The following MAN1A2 variants were observed in gnomAD, a reference collection of about 807,000 sequenced individuals.
The protein encoded by MAN1A2 is mannosidase alpha class 1A member 2.
A neutral mutation model predicts 75.7 loss-of-function variants in MAN1A2; 26 were observed. The ratio of observed to expected loss-of-function variants is 0.34; its 90% CI spans 0.25 to 0.48. The LOEUF (loss-of-function observed/expected upper bound fraction) is 0.48, where lower values mean the gene tolerates loss of function less well. Ranked by LOEUF, MAN1A2 falls within the 20% of genes least tolerant of loss-of-function variation. The probability of loss-of-function intolerance (pLI) is 0.99; values close to 1 mark genes in which losing one functional copy is unlikely to be tolerated. For missense variants in MAN1A2, 562 were observed against 775.5 expected (o/e 0.72, Z 3.27); for synonymous variants, 247 against 264.6 (o/e 0.93, Z 0.65).
At chr1:117,491,886 G>A (rs953111065) in intron 8 of MAN1A2, among the ~76,000 whole-genome samples, 2 of 152,044 alleles carry the variant, frequency 1.3e-5, no homozygotes, top group Non-Finnish European at 2.9e-5. Flanking sequence ...GAAATAGCAA[G>A]AGAACCAGAA....
At chr1:117,412,384 T>G (rs902103497) in intron 3 of MAN1A2, among the ~76,000 whole-genome samples, 1 of 151,740 alleles carries the variant, frequency 6.6e-6, no homozygotes, top group African/African-American at 2.4e-5. Flanking sequence ...CTTGTCTACC[T>G]TTTAAAAACG....
intron 5 of MAN1A2, among the ~76,000 whole-genome samples, chr1:117,430,251 C>T (rs1281594282): frequency 3.9e-5 from 5 of 129,656 alleles, no homozygotes; most frequent in African/African-American, 6.2e-5. Context: ...GCTGGCCAGG[C>T]GGGGGGCTGA....
At chr1:117,496,178 A>G (rs1651031949) in intron 9 of MAN1A2, among the ~76,000 whole-genome samples, 1 of 151,976 alleles carries the variant, frequency 6.6e-6, no homozygotes, top group African/African-American at 2.4e-5. Flanking sequence ...AGTTTCTACT[A>G]AAGAAAACTG....
intron 12 of MAN1A2, among the ~76,000 whole-genome samples, chr1:117,518,357 A>T (rs1225782631): frequency 6.6e-6 from 1 of 152,086 alleles, no homozygotes; most frequent in Non-Finnish European, 1.5e-5. Context: ...GTACATATTT[A>T]CTAATAAAAA....
rs191309094 is a variant in MAN1A2, at chr1:117,492,840, T to C, written c.1169-307T>C. On this transcript the variant is annotated intron_variant, in intron 8 of 12. Transcript: ENST00000356554. ...GCTATTAATATATAAAAGGTAATTA[T>C]CAATTCTGGAAAAGTTTGGCTCTAT... is the stretch of plus-strand genomic sequence containing the variant. Among the ~76,000 whole-genome samples the C allele has an allele frequency of 3.8e-3, 584 of 152,156 alleles. 7 individuals carry two copies. Among genetic ancestry groups the C allele is most frequent in the African/African-American group, 0.013 (555 of 41,548 alleles).
intron 6 of MAN1A2, among the ~76,000 whole-genome samples, chr1:117,452,105 G>A (rs986513763): frequency 2.6e-5 from 4 of 152,132 alleles, no homozygotes; most frequent in East Asian, 1.9e-4. Context: ...TCAGGAGTTC[G>A]AGACCAGCCT....
intron 11 of MAN1A2, 132 bp from the exon 12 acceptor site, chr1:117,502,718 GATAAT>G: frequency 1.7e-6 from 1 of 593,392 alleles, no homozygotes; most frequent in Non-Finnish European, 3.0e-6. Context: ...ATTTCCTTTT[GATAAT>G]ATATTATTCT....
intron 12 of MAN1A2, among the ~76,000 whole-genome samples, chr1:117,506,897 G>T (rs1200447206): frequency 6.6e-6 from 1 of 151,482 alleles, no homozygotes; most frequent in Non-Finnish European, 1.5e-5. Flanking sequence ...TCAGTAAGAA[G>T]GAAGAATCAG....
Position 117,526,880 on chromosome 1 carries a change from C to CTCTCTCTCTCTCTATATATATATATATA in MAN1A2, c.*3924_*3925insCTCTCTCTCTCTATATATATATATATAT. On this transcript the variant is annotated 3_prime_UTR_variant, in exon 13 of 13. Transcript: ENST00000356554. ...TCTCTCTCTCTCTCTCTCTCTCTCT[C>CTCTCTCTCTCTCTATATATATATATATA]TATATATATATATATATATATATAT... 5.5e-5 allele frequency: 3 copies of CTCTCTCTCTCTCTATATATATATATATA among 54,514 alleles called. No individual in the cohort carries two copies. Among genetic ancestry groups the CTCTCTCTCTCTCTATATATATATATATA allele is most frequent in the African/African-American group, 8.1e-5 (1 of 12,284 alleles). 3.4% of individuals were successfully genotyped at this position (54,514 alleles called of 1,614,324 possible).
At chr1:117,506,414 C>CT (rs1016626876) in intron 12 of MAN1A2, among the ~76,000 whole-genome samples, 1 of 151,524 alleles carries the variant, frequency 6.6e-6, no homozygotes, top group African/African-American at 2.4e-5. Context: ...TATAGGCATA[C>CT]TTTTTTCCCC....
chr1:117,399,784 A>C (rs1202744204), intron 1 of MAN1A2, among the ~76,000 whole-genome samples: 1 of 152,196 alleles, frequency 6.6e-6, no homozygotes, highest in Non-Finnish European at 1.5e-5. Flanking sequence ...GTTTAGACTT[A>C]GCAGGTAAAT....
intron 6 of MAN1A2, among the ~76,000 whole-genome samples, chr1:117,457,028 A>G (rs1285314510): frequency 1.3e-5 from 2 of 152,096 alleles, no homozygotes; most frequent in Non-Finnish European, 2.9e-5. Context: ...CTTTGTTTCT[A>G]ATAATTGCAG....
Position 117,496,079 on chromosome 1 carries a change from G to A in MAN1A2, c.1285-684G>A, listed in dbSNP as rs189048198. On this transcript the variant is annotated intron_variant, in intron 9 of 12. Transcript: ENST00000356554. The stretch of plus-strand genomic sequence containing the variant: ...AGAATACAGAGTAAAATTTTCCAAG[G>A]CTGATTGTTACTAAACTTGTCAGAG... Among the ~76,000 whole-genome samples the A allele has an allele frequency of 3.1e-3, 463 of 151,684 alleles. 3 individuals are homozygous for A. Among genetic ancestry groups the A allele is most frequent in the Non-Finnish European group, 3.9e-3 (264 of 67,812 alleles).
intron 1 of MAN1A2, among the ~76,000 whole-genome samples, chr1:117,384,561 ATGTC>A (rs1467122305): frequency 4.6e-5 from 7 of 152,232 alleles, no homozygotes; most frequent in African/African-American, 1.7e-4. Flanking sequence ...CTTGAGAAGA[ATGTC>A]TGTTCTGCTG....
At chr1:117,401,405 C>T (rs1471405075) in intron 1 of MAN1A2, among the ~76,000 whole-genome samples, 1 of 152,058 alleles carries the variant, frequency 6.6e-6, no homozygotes, top group East Asian at 1.9e-4. Flanking sequence ...GAGTAGTCAT[C>T]GTTGGTTGAC....
chr1:117,474,307 T>G (rs952227656), intron 8 of MAN1A2, among the ~76,000 whole-genome samples: 2 of 151,958 alleles, frequency 1.3e-5, no homozygotes, highest in African/African-American at 4.8e-5. Flanking sequence ...TAAGCATTGC[T>G]GGTGAAAATA....
At chr1:117,404,278 A>G (rs571078521) in intron 2 of MAN1A2, among the ~76,000 whole-genome samples, 1 of 152,286 alleles carries the variant, frequency 6.6e-6, no homozygotes, top group East Asian at 1.9e-4. Context: ...AAGTTGGGAA[A>G]TGTTTAATGA....
intron 1 of MAN1A2, among the ~76,000 whole-genome samples, chr1:117,384,325 A>G (rs746137290): frequency 2.0e-5 from 3 of 152,052 alleles, no homozygotes; most frequent in Non-Finnish European, 4.4e-5. Flanking sequence ...GTCTTCATTT[A>G]TCTGTATTTT....
intron 1 of MAN1A2, among the ~76,000 whole-genome samples, chr1:117,386,860 A>G (rs1027221028): frequency 7.0e-6 from 1 of 142,474 alleles, no homozygotes; most frequent in African/African-American, 2.7e-5. Context: ...GTAGGGAGCT[A>G]TGATTGTGCC....
Sources: gnomAD v4.1 joint callset for allele counts (sites outside exome capture counted in the v4.1 genomes callset) on GRCh38, gnomAD v4.1.1 for gene constraint, MANE v1.5 for transcripts, NCBI Gene and HGNC (gene_info 2026-07-23, HGNC 2026-07-21) for gene names.